Variants in GLG1 observed in about 807,000 individuals in gnomAD.
GLG1 encodes golgi glycoprotein 1.
GLG1 carries 38 observed loss-of-function variants against 160.5 expected under a neutral mutation model. The ratio of observed to expected loss-of-function variants is 0.24; its 90% CI spans 0.18 to 0.31. The LOEUF (loss-of-function observed/expected upper bound fraction) is 0.31, where lower values mean the gene tolerates loss of function less well. Ranked by LOEUF, GLG1 falls within the 10% of genes least tolerant of loss-of-function variation. The pLI, the probability that GLG1 is intolerant of heterozygous loss-of-function variation, is 1.00. For synonymous variants in GLG1, 644 were observed against 543.4 expected (o/e 1.19, Z -2.57); for missense variants, 1,373 against 1,505.2 (o/e 0.91, Z 1.45).
chr16:74,494,735 T>C (rs369038066), intron 6 of GLG1, 25 bp downstream of exon 6: 1 of 1,029,492 alleles, frequency 9.7e-7, no homozygotes, highest in Admixed American at 1.7e-5. Context: ...AATAAAACAT[T>C]CATTAGTTTC....
In GLG1 at chr16:74,600,731, CAAA is replaced by C. The variant is rs56122377; in HGVS notation, c.438+5923_438+5925del. ...TGGGCGACTGAGAAAGATTCCACCTCAAAAAAAAAAAAAAAAAAAAAAACAAAA... is the reference window on the plus strand; with the variant it reads ...TGGGCGACTGAGAAAGATTCCACCTCAAAAAAAAAAAAAAAAAAAACAAAA... On this transcript the variant is annotated intron_variant, in intron 1 of 25. Coordinates refer to ENST00000422840, the MANE Select transcript of GLG1 (RefSeq NM_001145667.2). Among the ~76,000 whole-genome samples the C allele has an allele frequency of 8.5e-4, 96 of 112,574 alleles. 1 individual carries two copies. The highest frequency in any genetic ancestry group is 1.4e-3 in the African/African-American group (39 of 27,834). The allele number at this position is 112,574 out of a possible 152,430, so 73.9% of individuals were successfully genotyped here. A position where few individuals can be genotyped will look rare whatever the true frequency, so the allele number is the denominator to read the frequency against.
intron 2 of GLG1, 128 bp downstream of exon 2, chr16:74,531,993 T>A (rs532166221): frequency 6.9e-6 from 3 of 436,524 alleles, no homozygotes; most frequent in Non-Finnish European, 1.3e-5. Flanking sequence ...TCCTTAAAGT[T>A]TGTCATCCTT....
chr16:74,597,291 C>T (rs1298848063), intron 1 of GLG1, among the ~76,000 whole-genome samples: 2 of 151,232 alleles, frequency 1.3e-5, no homozygotes, highest in African/African-American at 4.9e-5. Flanking sequence ...ATTACCTGGG[C>T]GTGGTGGGGT....
chr16:74,598,861 G>T (rs1226160592), intron 1 of GLG1, among the ~76,000 whole-genome samples: 1 of 151,622 alleles, frequency 6.6e-6, no homozygotes, highest in Non-Finnish European at 1.5e-5. Context: ...TCCAGCCTGA[G>T]CAAGAGCGAA....
intron 3 of GLG1, among the ~76,000 whole-genome samples, chr16:74,504,336 G>T (rs1271338734): frequency 1.3e-5 from 2 of 152,186 alleles, no homozygotes; most frequent in Non-Finnish European, 2.9e-5. Flanking sequence ...CGCCCAGGCT[G>T]GAGTGGAATG....
chr16:74,565,658 C>T (rs1052706258), intron 1 of GLG1, among the ~76,000 whole-genome samples: 2 of 152,184 alleles, frequency 1.3e-5, no homozygotes, highest in Non-Finnish European at 2.9e-5. Context: ...CTTTTTCTGT[C>T]CATAAATCCT....
intron 1 of GLG1, among the ~76,000 whole-genome samples, chr16:74,588,631 C>G (rs974382883): frequency 1.3e-5 from 2 of 152,032 alleles, no homozygotes; most frequent in African/African-American, 4.8e-5. Flanking sequence ...GTTGCCCAGG[C>G]TGATCTCAAA....
At chr16:74,589,433 G>C (rs1305905259) in intron 1 of GLG1, among the ~76,000 whole-genome samples, 2 of 152,158 alleles carry the variant, frequency 1.3e-5, no homozygotes, top group African/African-American at 2.4e-5. Context: ...TGTGCTGAGG[G>C]AAGGGCACTG....
At chr16:74,474,868 A>G (rs1314167243) in intron 12 of GLG1, among the ~76,000 whole-genome samples, 1 of 152,042 alleles carries the variant, frequency 6.6e-6, no homozygotes, top group Non-Finnish European at 1.5e-5. Context: ...CACAAGAGCC[A>G]TGCAAAGGCT....
intron 1 of GLG1, among the ~76,000 whole-genome samples, chr16:74,540,957 G>A (rs964268327): frequency 2.6e-5 from 4 of 152,130 alleles, no homozygotes; most frequent in African/African-American, 9.7e-5. Context: ...CTGCTTTGTA[G>A]GAAATACATC....
At chr16:74,528,102 G>A (rs1310245613) in intron 2 of GLG1, among the ~76,000 whole-genome samples, 1 of 151,926 alleles carries the variant, frequency 6.6e-6, no homozygotes, top group Non-Finnish European at 1.5e-5. Context: ...AGCCAGGATG[G>A]TCTCGATCTC....
chr16:74,567,029 G>C (rs1468794190), intron 1 of GLG1, among the ~76,000 whole-genome samples: 1 of 152,120 alleles, frequency 6.6e-6, no homozygotes, highest in Non-Finnish European at 1.5e-5. Context: ...CTAAGAAAAA[G>C]AAAATTGTCT....
intron 25 of GLG1, among the ~76,000 whole-genome samples, chr16:74,455,322 C>G (rs1469507023): frequency 2.6e-5 from 4 of 152,106 alleles, no homozygotes; most frequent in Admixed American, 6.5e-5. Context: ...GTACACAGAA[C>G]AGAGTAGGGA....
intron 5 of GLG1, among the ~76,000 whole-genome samples, chr16:74,495,990 C>T (rs1450154922): frequency 1.3e-5 from 2 of 152,106 alleles, no homozygotes; most frequent in African/African-American, 2.4e-5. Flanking sequence ...ATATTTAAGT[C>T]ACAGTGGCTC....
chr16:74,471,031 A>G, intron 15 of GLG1, 142 bp downstream of exon 15: 2 of 682,642 alleles, frequency 2.9e-6, no homozygotes, highest in South Asian at 3.4e-5. Context: ...TGCTGGGATT[A>G]CAGGTGTGAG....
At chr16:74,463,920 A>T in intron 19 of GLG1, 1 of 189,094 alleles carries the variant, frequency 5.3e-6, no homozygotes, top group South Asian at 1.0e-4. Context: ...ACAGGAATGT[A>T]GAAGAACAAA....
At chr16:74,543,303 T>C (rs922987327) in intron 1 of GLG1, among the ~76,000 whole-genome samples, 1 of 152,220 alleles carries the variant, frequency 6.6e-6, no homozygotes, top group Admixed American at 6.5e-5. Context: ...ATTTAATATA[T>C]TTTAAAAACA....
intron 25 of GLG1, among the ~76,000 whole-genome samples, chr16:74,454,698 A>G (rs1190885876): frequency 8.3e-6 from 1 of 119,816 alleles, no homozygotes; most frequent in Non-Finnish European, 1.8e-5. Context: ...AAAAAAAAAA[A>G]AATTTTTTTT....
intron 3 of GLG1, among the ~76,000 whole-genome samples, chr16:74,505,638 G>A (rs1014473296): frequency 2.0e-5 from 3 of 151,720 alleles, no homozygotes; most frequent in Admixed American, 6.6e-5. Context: ...GTGGACTGCC[G>A]GAGCTCAGGA....
Sources: gnomAD v4.1 joint callset for allele counts (sites outside exome capture counted in the v4.1 genomes callset) on GRCh38, gnomAD v4.1.1 for gene constraint, MANE v1.5 for transcripts, NCBI Gene and HGNC (gene_info 2026-07-23, HGNC 2026-07-21) for gene names.